Variants in FOXJ3 observed in about 807,000 individuals in gnomAD.
FOXJ3 encodes forkhead box protein J3.
Under a neutral mutation model 76.1 loss-of-function variants are expected in FOXJ3, and 22 were observed. That is an observed-to-expected ratio of 0.29 (90% CI 0.21 to 0.41). FOXJ3 has a LOEUF of 0.41. FOXJ3 is among the 10% of genes least tolerant of loss of function. The pLI is 1.00. For missense variants in FOXJ3, 613 were observed against 762.1 expected (o/e 0.80, Z 2.30); for synonymous variants, 269 against 261.2 (o/e 1.03, Z -0.29).
chr1:42,326,837 A>G (rs1193433763), intron 1 of FOXJ3, among the ~76,000 whole-genome samples: 3 of 152,112 alleles, frequency 2.0e-5, no homozygotes. Context: ...TTTTACCTCA[A>G]AAATCCAGAG....
At chr1:42,231,380 A>G (rs890046081) in intron 4 of FOXJ3, among the ~76,000 whole-genome samples, 5 of 152,172 alleles carry the variant, frequency 3.3e-5, no homozygotes, top group African/African-American at 1.2e-4. Flanking sequence ...CACATAAGCC[A>G]GTCACAGAAG....
intron 5 of FOXJ3, among the ~76,000 whole-genome samples, chr1:42,206,551 G>A (rs1646865601): frequency 6.6e-6 from 1 of 152,122 alleles, no homozygotes; most frequent in South Asian, 2.1e-4. Context: ...ACCTGACAGA[G>A]AAATAAATCT....
Position 42,191,561 on chromosome 1 carries a change from C to T in FOXJ3, c.1093G>A (p.Val365Ile). 1.2e-6 allele frequency: 2 copies of T among 1,614,060 alleles called. No homozygotes were observed. Among genetic ancestry groups the T allele is most frequent in the Non-Finnish European group, 1.7e-6 (2 of 1,180,016 alleles). The change falls in exon 9 of 13, where the codon GTT becomes ATT. Residue 365 changes from valine to isoleucine, a missense_variant. Physicochemically the swap from Val to Ile is conservative, Grantham distance 29. Around this residue, in one of 3 missense-constraint regions of FOXJ3, gnomAD observed 526 missense variants for 601.4 expected, o/e 0.87. Transcript: ENST00000361346. Reference sequence around the variant, plus strand: ...GGGTGAGACAGTGAGACCTGTGCAACCGAATTACTGCCTGTGGTGTTGAGG... The same window carrying T: ...GGGTGAGACAGTGAGACCTGTGCAATCGAATTACTGCCTGTGGTGTTGAGG... ...SGLNTTGSNS[V>I]AQVSLSHPQM...
chr1:42,300,496 T>C (rs765958132), intron 2 of FOXJ3, among the ~76,000 whole-genome samples: 1 of 151,992 alleles, frequency 6.6e-6, no homozygotes, highest in Non-Finnish European at 1.5e-5. Context: ...TGGCCGGTGG[T>C]TGTGCACGGT....
chr1:42,273,076 T>C (rs1651980100), intron 3 of FOXJ3, among the ~76,000 whole-genome samples: 1 of 152,284 alleles, frequency 6.6e-6, no homozygotes, highest in Middle Eastern at 3.4e-3. Context: ...CCCCATAAAC[T>C]CATTAACTGT....
chr1:42,185,815 C>A (rs778511118), intron 11 of FOXJ3, among the ~76,000 whole-genome samples: 1 of 152,096 alleles, frequency 6.6e-6, no homozygotes, highest in Non-Finnish European at 1.5e-5. Flanking sequence ...ACAACCTTCT[C>A]CCCTTCCCCC....
chr1:42,275,806 G>A (rs1652217350), intron 3 of FOXJ3, among the ~76,000 whole-genome samples: 1 of 152,258 alleles, frequency 6.6e-6, no homozygotes. Flanking sequence ...ATATAGCCCT[G>A]GAACATCTCA....
intron 2 of FOXJ3, among the ~76,000 whole-genome samples, chr1:42,290,527 C>A (rs566793174): frequency 6.6e-6 from 1 of 152,210 alleles, no homozygotes; most frequent in Non-Finnish European, 1.5e-5. Flanking sequence ...AAAGATGCTG[C>A]AGCTTATACT....
chr1:42,323,714 G>A (rs1655566080), intron 1 of FOXJ3: 2 of 980,104 alleles, frequency 2.0e-6, no homozygotes, highest in Non-Finnish European at 1.2e-6. Context: ...CCAGGACAGT[G>A]TCTTGCATGC....
At chr1:42,228,665 T>C (rs1029136579) in intron 4 of FOXJ3, among the ~76,000 whole-genome samples, 44 of 150,660 alleles carry the variant, frequency 2.9e-4, no homozygotes, top group African/African-American at 1.0e-3. Flanking sequence ...AAAGATAAAG[T>C]GGCTTTCCCA....
chr1:42,244,349 T>C (rs1649373590), intron 4 of FOXJ3, among the ~76,000 whole-genome samples: 1 of 152,118 alleles, frequency 6.6e-6, no homozygotes, highest in African/African-American at 2.4e-5. Flanking sequence ...ATCTCATCTC[T>C]AAAAGAATAT....
In FOXJ3 at chr1:42,223,052, TG is replaced by T. The variant is rs202161053; in HGVS notation, c.528+4830del. On this transcript the variant is annotated intron_variant, in intron 5 of 12. Coordinates refer to ENST00000361346, the MANE Select transcript of FOXJ3 (RefSeq NM_014947.5). The stretch of plus-strand genomic sequence containing the variant: ...ACTTTACCCTTGTCCTAAAATTATG[TG>T]TCTTACGTCTTATTCTTCTTGGTAT... 1.5e-3 allele frequency among the ~76,000 whole-genome samples: 229 copies of T among 152,344 alleles called. 5 individuals are homozygous for T. In the East Asian group the frequency reaches 0.043, roughly 29 times the overall value.
chr1:42,207,415 GAA>G (rs962149260), intron 5 of FOXJ3, among the ~76,000 whole-genome samples: 1 of 152,106 alleles, frequency 6.6e-6, no homozygotes, highest in African/African-American at 2.4e-5. Context: ...AAACAATACA[GAA>G]AGTTTTCTGC....
At chr1:42,324,956 A>C (rs1257474151) in intron 1 of FOXJ3, among the ~76,000 whole-genome samples, 1 of 149,100 alleles carries the variant, frequency 6.7e-6, no homozygotes, top group Non-Finnish European at 1.5e-5. Context: ...GATGGCTTTG[A>C]GGTCACTAGG....
chr1:42,208,230 G>C (rs1316792677), intron 5 of FOXJ3, among the ~76,000 whole-genome samples: 1 of 152,174 alleles, frequency 6.6e-6, no homozygotes, highest in Non-Finnish European at 1.5e-5. Context: ...ATGACCACTA[G>C]AATATATCTG....
intron 5 of FOXJ3, among the ~76,000 whole-genome samples, chr1:42,218,305 G>A (rs1204225999): frequency 6.6e-6 from 1 of 152,146 alleles, no homozygotes; most frequent in African/African-American, 2.4e-5. Flanking sequence ...TCCAGATGGA[G>A]AGTATCCCAC....
chr1:42,198,081 T>G (rs1481880310), intron 7 of FOXJ3, among the ~76,000 whole-genome samples: 1 of 152,218 alleles, frequency 6.6e-6, no homozygotes. Context: ...CATTAATTTC[T>G]TCTAGAACTC....
chr1:42,243,888 A>G (rs1320662949), intron 4 of FOXJ3, among the ~76,000 whole-genome samples: 1 of 152,230 alleles, frequency 6.6e-6, no homozygotes, highest in Non-Finnish European at 1.5e-5. Context: ...CCATCAGTAC[A>G]TGGAATATTC....
intron 4 of FOXJ3, among the ~76,000 whole-genome samples, chr1:42,243,057 A>G (rs1181942292): frequency 6.6e-6 from 1 of 152,238 alleles, no homozygotes; most frequent in African/African-American, 2.4e-5. Flanking sequence ...GGAAGAACAC[A>G]GCATGTAGGT....
Sources: gnomAD v4.1 joint callset for allele counts (sites outside exome capture counted in the v4.1 genomes callset) on GRCh38, gnomAD v4.1.1 for gene constraint, gnomAD v4.1.1 regional missense constraint, MANE v1.5 for transcripts, NCBI Gene and HGNC (gene_info 2026-07-23, HGNC 2026-07-21) for gene names.